The following RANBP2 variants were observed in gnomAD, a reference collection of about 807,000 sequenced individuals.
RANBP2 encodes RAN binding protein 2.
Under a neutral mutation model 303.6 loss-of-function variants are expected in RANBP2, and 57 were observed. The observed-to-expected ratio is 0.19, with a 90% confidence interval of 0.15 to 0.23. The LOEUF is 0.23. Ranked by LOEUF, RANBP2 falls within the 10% of genes least tolerant of loss-of-function variation. The probability of loss-of-function intolerance (pLI) is 1.00; values close to 1 mark genes in which losing one functional copy is unlikely to be tolerated. For synonymous variants in RANBP2, 1,167 were observed against 1,301.5 expected, an observed-to-expected ratio of 0.90 and a Z score of 2.23; for missense variants, 3,138 against 3,780.8, an observed-to-expected ratio of 0.83 and a Z score of 4.46.
chr2:109,357,952 T>C, the RANBP2 span, among the ~76,000 whole-genome samples: 1 of 152,216 alleles, frequency 6.6e-6, no homozygotes, highest in Admixed American at 6.5e-5. Context: ...TAGTCACTCT[T>C]GGTGCAGAGT....
the RANBP2 span, among the ~76,000 whole-genome samples, chr2:109,039,146 G>T: frequency 1.4e-4 from 22 of 152,304 alleles, no homozygotes; most frequent in Admixed American, 6.5e-5. Context: ...ATCACTGAAG[G>T]AGAAGGAATT....
the RANBP2 span, among the ~76,000 whole-genome samples, chr2:108,814,865 A>G: frequency 4.6e-5 from 7 of 151,666 alleles, no homozygotes; most frequent in African/African-American, 1.7e-4. Flanking sequence ...CAATCTCCTG[A>G]CCTCTGGTGA....
the RANBP2 span, among the ~76,000 whole-genome samples, chr2:109,717,271 CCAAAAAAAA>C: frequency 1.2e-5 from 1 of 80,830 alleles, no homozygotes; most frequent in Non-Finnish European, 2.9e-5. Context: ...TAAAAACAAA[CCAAAAAAAA>C]AAAAAAAAAA....
the RANBP2 span, chr2:109,128,011 G>C: frequency 6.6e-6 from 1 of 152,276 alleles, no homozygotes. Context: ...CACAAGGACA[G>C]GCTGGCCGAT....
the RANBP2 span, among the ~76,000 whole-genome samples, chr2:109,281,193 C>T: frequency 6.6e-6 from 1 of 152,222 alleles, no homozygotes; most frequent in Non-Finnish European, 1.5e-5. Flanking sequence ...TCTCCCTGTC[C>T]CTCCTGCGAC....
chr2:108,935,931 C>T, the RANBP2 span, among the ~76,000 whole-genome samples: 1 of 152,226 alleles, frequency 6.6e-6, no homozygotes, highest in Non-Finnish European at 1.5e-5. Flanking sequence ...GAATGGCCTT[C>T]ACCCTTGGTG....
At chr2:109,518,842 A>G in the RANBP2 span, among the ~76,000 whole-genome samples, 1 of 151,786 alleles carries the variant, frequency 6.6e-6, no homozygotes, top group East Asian at 1.9e-4. Flanking sequence ...GAAACTTACA[A>G]TCGTGGCAGA....
the RANBP2 span, among the ~76,000 whole-genome samples, chr2:109,015,457 A>G: frequency 6.6e-6 from 1 of 152,056 alleles, no homozygotes. Flanking sequence ...AGCTTGCTTT[A>G]TTGTAAATAC....
the RANBP2 span, among the ~76,000 whole-genome samples, chr2:109,720,882 T>G: frequency 1.3e-5 from 2 of 152,190 alleles, no homozygotes; most frequent in Non-Finnish European, 2.9e-5. Context: ...TGGCCCAGCT[T>G]CAGGGGAAGG....
chr2:109,077,223 C>T, the RANBP2 span, among the ~76,000 whole-genome samples: 1 of 150,546 alleles, frequency 6.6e-6, no homozygotes, highest in Non-Finnish European at 1.5e-5. Context: ...ACACCATATA[C>T]AAAAGTCAGC....
At chr2:109,654,933 T>C in the RANBP2 span, among the ~76,000 whole-genome samples, 1 of 151,666 alleles carries the variant, frequency 6.6e-6, no homozygotes, top group Non-Finnish European at 1.5e-5. Context: ...GATGGAGTCT[T>C]GCTCAGTCAC....
At chr2:109,640,723 A>T in the RANBP2 span, among the ~76,000 whole-genome samples, 1 of 152,168 alleles carries the variant, frequency 6.6e-6, no homozygotes, top group Admixed American at 6.5e-5. Flanking sequence ...TAGAAGGCTC[A>T]GATTCCTGGG....
the RANBP2 span, among the ~76,000 whole-genome samples, chr2:109,238,452 TGTGTGTG>T: frequency 3.1e-3 from 3 of 956 alleles, no homozygotes; most frequent in Admixed American, 0.014. Context: ...TGTATATTTG[TGTGTGTG>T]TGTGTGTGTG....
chr2:109,214,846 G>T, the RANBP2 span, among the ~76,000 whole-genome samples: 2 of 152,220 alleles, frequency 1.3e-5, no homozygotes, highest in Non-Finnish European at 1.5e-5. Context: ...TCCAAGGGCT[G>T]CTGGGGGTGA....
the RANBP2 span, among the ~76,000 whole-genome samples, chr2:109,606,866 G>A: frequency 6.6e-6 from 1 of 151,794 alleles, no homozygotes; most frequent in Admixed American, 6.6e-5. Flanking sequence ...TGACCAGGCT[G>A]GTCTCAAACT....
the RANBP2 span, among the ~76,000 whole-genome samples, chr2:109,229,246 C>T: frequency 2.0e-5 from 3 of 152,160 alleles, no homozygotes; most frequent in African/African-American, 7.2e-5. Flanking sequence ...TAGTACACTT[C>T]TTATTTGGAG....
the RANBP2 span, among the ~76,000 whole-genome samples, chr2:108,950,388 G>GTA: frequency 1.3e-5 from 2 of 152,016 alleles, no homozygotes; most frequent in African/African-American, 2.4e-5. Context: ...GTAGCTGGGA[G>GTA]TACAGGTGCA....
chr2:109,298,078 A>T, the RANBP2 span, among the ~76,000 whole-genome samples: 9 of 152,134 alleles, frequency 5.9e-5, no homozygotes, highest in Admixed American at 1.3e-4. Flanking sequence ...GGAGGTGGGG[A>T]TCTGTCCCAC....
chr2:109,329,278 C>T, the RANBP2 span, among the ~76,000 whole-genome samples: 1 of 152,142 alleles, frequency 6.6e-6, no homozygotes, highest in African/African-American at 2.4e-5. Context: ...TAAATCTCTC[C>T]ATCTGAGAAA....
Sources: gnomAD v4.1 joint callset for allele counts (sites outside exome capture counted in the v4.1 genomes callset) on GRCh38, gnomAD v4.1.1 for gene constraint, MANE v1.5 for transcripts, NCBI Gene and HGNC (gene_info 2026-07-23, HGNC 2026-07-21) for gene names.